Variants in EPM2A observed in about 807,000 individuals in gnomAD.
EPM2A encodes laforin.
Under a neutral mutation model 26.5 loss-of-function variants are expected in EPM2A, and 21 were observed. That is an observed-to-expected ratio of 0.79 (90% CI 0.56 to 1.14). The LOEUF (loss-of-function observed/expected upper bound fraction) is 1.14. Ranked by LOEUF, EPM2A falls within the 50% of genes most tolerant of loss-of-function variation. EPM2A has a pLI of 0.00. For synonymous variants in EPM2A, 217 were observed against 177.6 expected (o/e 1.22, Z -1.76); for missense variants, 458 against 440.8 (o/e 1.04, Z -0.35).
downstream of EPM2A, among the ~76,000 whole-genome samples, chr6:145,500,399 A>G (rs1779874097): frequency 6.6e-6 from 1 of 152,252 alleles, no homozygotes; most frequent in Non-Finnish European, 1.5e-5. Flanking sequence ...TAGTACCTTC[A>G]GCCTCACAAT....
At chr6:145,407,381 A>G (rs1277825045) in intron 4 of EPM2A, among the ~76,000 whole-genome samples, 1 of 152,186 alleles carries the variant, frequency 6.6e-6, no homozygotes, top group Non-Finnish European at 1.5e-5. Context: ...GTCAGGGCCT[A>G]CTTAATTCTA....
intron 4 of EPM2A, among the ~76,000 whole-genome samples, chr6:145,410,108 A>C (rs1778624435): frequency 6.6e-6 from 1 of 152,182 alleles, no homozygotes; most frequent in Admixed American, 6.6e-5. Context: ...TACACCTAGG[A>C]AATAAAACAA....
chr6:145,434,092 GAC>G, intron 4 of EPM2A, among the ~76,000 whole-genome samples: 1 of 151,814 alleles, frequency 6.6e-6, no homozygotes. Context: ...ATTCTAGATT[GAC>G]AGTTTTTTTC....
chr6:145,468,992 A>C (rs979856905), intron 4 of EPM2A, among the ~76,000 whole-genome samples: 3 of 152,138 alleles, frequency 2.0e-5, no homozygotes, highest in African/African-American at 7.2e-5. Context: ...CTTAATAGAC[A>C]TTTGTGTTAG....
chr6:145,490,502 C>A lies in EPM2A; in HGVS notation c.555+12020G>T, dbSNP rs79115570. The A allele has an allele frequency of 5.6e-6, 4 of 720,214 alleles. No individual in the cohort carries two copies. The East Asian group carries it at 1.1e-4, about 19-fold the overall frequency. 44.6% of individuals were successfully genotyped at this position (720,214 alleles called of 1,614,324 possible). On this transcript the variant is annotated intron_variant, in intron 4 of 4. Transcript: ENST00000638717. ...TGTTCTTTAAAATGTCCAGAACAGT[C>A]AAACTGCTTCTCACAGTACTGACAT...
chr6:145,670,909 C>G (rs1779591648), intron 2 of EPM2A: 1 of 985,094 alleles, frequency 1.0e-6, no homozygotes, highest in Admixed American at 6.2e-5. Flanking sequence ...AAATCATTCC[C>G]CAGTCAGAAG....
intron 2 of EPM2A, among the ~76,000 whole-genome samples, chr6:145,527,168 T>C (rs1477543858): frequency 6.6e-6 from 1 of 152,092 alleles, no homozygotes; most frequent in Non-Finnish European, 1.5e-5. Context: ...TCATTTTGAT[T>C]TTTAAAAAAA....
intron 1 of EPM2A, among the ~76,000 whole-genome samples, chr6:145,714,329 T>C (rs138130640): frequency 0.011 from 1,653 of 152,282 alleles, 13 homozygotes; most frequent in Admixed American, 0.018. Flanking sequence ...TCAATTAACA[T>C]GGTAGATAGG....
chr6:145,416,741 T>C (rs1403135645), intron 4 of EPM2A, among the ~76,000 whole-genome samples: 2 of 152,198 alleles, frequency 1.3e-5, no homozygotes, highest in Non-Finnish European at 2.9e-5. Context: ...TTTAGAGCAT[T>C]ACACAATATA....
Position 145,627,640 on chromosome 6 carries a change from T to C in EPM2A, c.772A>G (p.Lys258Glu). 1.2e-6 allele frequency: 2 copies of C among 1,614,162 alleles called. No individual in the cohort carries two copies. The highest frequency in any genetic ancestry group is 1.7e-6 in the Non-Finnish European group (2 of 1,180,026). ...CAGTGCACGTACACGATGTGTCCCT[T>C]CTCCAGCAGCGCATGCAGCAGGCAC... ...AVCLLHALLE[K>E]GHIVYVHCNA... The change falls in exon 4 of 4, where the codon AAG becomes GAG. Residue 258 changes from lysine (K) to glutamate (E), a missense_variant. Transcript: ENST00000367519.
intron 2 of EPM2A, among the ~76,000 whole-genome samples, chr6:145,678,374 G>A (rs1425562117): frequency 1.3e-5 from 2 of 152,026 alleles, no homozygotes; most frequent in African/African-American, 4.8e-5. Context: ...CAAAAGCAAT[G>A]GCAACAAAAG....
chr6:145,484,172 C>G (rs894445678), intron 4 of EPM2A, among the ~76,000 whole-genome samples: 1 of 152,026 alleles, frequency 6.6e-6, no homozygotes, highest in Non-Finnish European at 1.5e-5. Context: ...TTCTGCTGTT[C>G]TTCTGTAATG....
chr6:145,428,294 C>T (rs1172819998), intron 4 of EPM2A, among the ~76,000 whole-genome samples: 4 of 151,480 alleles, frequency 2.6e-5, no homozygotes, highest in Non-Finnish European at 5.9e-5. Context: ...TTTAGTTTTC[C>T]AGTTATATTT....
chr6:145,645,361 C>T (rs951379250), intron 2 of EPM2A, among the ~76,000 whole-genome samples: 1 of 152,110 alleles, frequency 6.6e-6, no homozygotes, highest in African/African-American at 2.4e-5. Context: ...GGCTGGAGTA[C>T]AGTGGCACAA....
At chr6:145,667,917 A>T (rs1279768011) in intron 2 of EPM2A, among the ~76,000 whole-genome samples, 1 of 150,822 alleles carries the variant, frequency 6.6e-6, no homozygotes, top group Non-Finnish European at 1.5e-5. Flanking sequence ...CGCAAGAACA[A>T]AAAACCAAAC....
chr6:145,704,527 G>A (rs193184697), intron 1 of EPM2A, among the ~76,000 whole-genome samples: 116 of 152,294 alleles, frequency 7.6e-4, no homozygotes, highest in African/African-American at 2.3e-3. Flanking sequence ...GACAGATAGC[G>A]GAAGTGTTAG....
chr6:145,679,975 G>A (rs1025169858), intron 2 of EPM2A: 1 of 152,114 alleles, frequency 6.6e-6, no homozygotes, highest in Non-Finnish European at 1.5e-5. Context: ...GTGGGAGAAG[G>A]AGAAGAAAAG....
At chr6:145,576,627 T>C (rs542336798) in intron 2 of EPM2A, among the ~76,000 whole-genome samples, 2 of 152,272 alleles carry the variant, frequency 1.3e-5, no homozygotes, top group South Asian at 4.1e-4. Context: ...ACATCAGACA[T>C]GTCTTACAAG....
At chr6:145,573,475 C>G (rs934638600) in intron 2 of EPM2A, among the ~76,000 whole-genome samples, 11 of 152,196 alleles carry the variant, frequency 7.2e-5, no homozygotes, top group Admixed American at 2.6e-4. Flanking sequence ...TACAATAATC[C>G]ACTGTCGTTC....
Sources: gnomAD v4.1 joint callset for allele counts (sites outside exome capture counted in the v4.1 genomes callset) on GRCh38, gnomAD v4.1.1 for gene constraint, MANE v1.5 for transcripts, NCBI Gene and HGNC (gene_info 2026-07-23, HGNC 2026-07-21) for gene names.